STMN1: variants seen among roughly 807,000 people sequenced by gnomAD.
The protein encoded by STMN1 is stathmin 1, also known as stathmin.
Under a neutral mutation model 19.7 loss-of-function variants are expected in STMN1, and 3 were observed. The ratio of observed to expected loss-of-function variants is 0.15; its 90% CI spans 0.07 to 0.39. The LOEUF is 0.39. Among genes scored for constraint, STMN1 ranks in the 10% least tolerant of loss-of-function variants. STMN1 has a pLI of 1.00. For synonymous variants in STMN1, 59 were observed against 58.9 expected (o/e 1.00, Z -0.01); for missense variants, 99 against 176.0 (o/e 0.56, Z 2.48).
chr1:25,895,099 C>CTTTT (rs34587140), intron 4 of STMN1, among the ~76,000 whole-genome samples: 1 of 113,402 alleles, frequency 8.8e-6, no homozygotes, highest in Non-Finnish European at 1.8e-5. Flanking sequence ...TATTATACGT[C>CTTTT]TTTTTTTTTT....
intron 4 of STMN1, among the ~76,000 whole-genome samples, chr1:25,889,434 C>T (rs962405344): frequency 2.6e-5 from 4 of 151,168 alleles, no homozygotes; most frequent in African/African-American, 7.3e-5. Flanking sequence ...CTCCATCCAT[C>T]CCCCCACACC....
At chr1:25,887,715 T>A (rs751906707) in intron 4 of STMN1, 1 of 186,496 alleles carries the variant, frequency 5.4e-6, no homozygotes, top group Non-Finnish European at 1.1e-5. Flanking sequence ...TGAGATGGAG[T>A]CTCGCTCTGT....
chr1:25,903,937 G>C (rs1017731792), intron 2 of STMN1, 124 bp from the exon 3 acceptor site: 2 of 1,033,434 alleles, frequency 1.9e-6, no homozygotes, highest in Non-Finnish European at 2.7e-6. Flanking sequence ...GGAAAGTTGT[G>C]TTTTTTTTCC....
rs568796116 is a variant in STMN1, at chr1:25,886,067, T to C, written c.379-198A>G. ...GATCTTGTTGGTATGGGAAGCAACCTAGGCATCTGGATTTTTAACGAGTAG... is the reference window on the plus strand; with the variant it reads ...GATCTTGTTGGTATGGGAAGCAACCCAGGCATCTGGATTTTTAACGAGTAG... On this transcript the variant is annotated intron_variant, in intron 4 of 4. Coordinates refer to the STMN1 transcript ENST00000426559. 3.9e-5 allele frequency among the ~76,000 whole-genome samples: 6 copies of C among 152,232 alleles called. No individual in the cohort carries two copies. In the East Asian group the frequency reaches 1.2e-3, roughly 29 times the overall value.
intron 4 of STMN1, 200 bp from the exon 5 acceptor site, chr1:25,901,287 G>T: frequency 8.6e-7 from 1 of 1,158,518 alleles, no homozygotes; most frequent in Non-Finnish European, 1.2e-6. Flanking sequence ...CTAACAAGCT[G>T]CCTACTGGAC....
downstream of STMN1, among the ~76,000 whole-genome samples, chr1:25,898,828 C>T (rs112878426): frequency 8.1e-4 from 123 of 152,318 alleles, 1 homozygote; most frequent in African/African-American, 2.8e-3. Context: ...ATGCCGGGCC[C>T]GGGAATGCAT....
At chr1:25,905,657 C>A (rs1385771931) in intron 1 of STMN1, among the ~76,000 whole-genome samples, 1 of 152,124 alleles carries the variant, frequency 6.6e-6, no homozygotes, top group Non-Finnish European at 1.5e-5. Context: ...GCGGGGCTAA[C>A]GGTCCAATCC....
rs547278567 is a variant in STMN1, at chr1:25,900,930, G to A, written c.*86C>T. 1.0e-5 allele frequency: 16 copies of A among 1,603,452 alleles called. No individual in the cohort carries two copies. The East Asian group carries it at 2.7e-4, about 27-fold the overall frequency. On this transcript the variant is annotated 3_prime_UTR_variant, in exon 5 of 5. Transcript: ENST00000455785. ...ACATTAGCTTCTAAAATATTTGTCA[G>A]GAGGGAAAAAATAAAATGACACTGG...
intron 4 of STMN1, among the ~76,000 whole-genome samples, chr1:25,891,091 G>A (rs1467379373): frequency 6.6e-6 from 1 of 152,190 alleles, no homozygotes; most frequent in East Asian, 1.9e-4. Flanking sequence ...CCAGCACTTT[G>A]GGAGGCCGAG....
At chr1:25,894,123 G>A (rs1478133815) in intron 4 of STMN1, among the ~76,000 whole-genome samples, 1 of 152,234 alleles carries the variant, frequency 6.6e-6, no homozygotes, top group Non-Finnish European at 1.5e-5. Context: ...GGTAAATTAG[G>A]AAGTGGTGCC....
chr1:25,899,852 T>C (rs1184156979), downstream of STMN1, among the ~76,000 whole-genome samples: 1 of 152,124 alleles, frequency 6.6e-6, no homozygotes, highest in Non-Finnish European at 1.5e-5. Flanking sequence ...ACCGCAGTAT[T>C]AGCAATCATC....
At chr1:25,905,873 G>C (rs967864916) in intron 1 of STMN1, 1 of 152,294 alleles carries the variant, frequency 6.6e-6, no homozygotes, top group African/African-American at 2.4e-5. Flanking sequence ...CACGCTGTCC[G>C]CGCGTCCGGC....
chr1:25,901,133 A>G lies in STMN1; in HGVS notation c.379-46T>C, dbSNP rs1334102902. The stretch of plus-strand genomic sequence containing the variant: ...GTCATCAGTCAAAAAAAAAAAAAAA[A>G]AAAAAAGCCTGTCAAGTCACGACCC... On this transcript the variant is annotated intron_variant, in intron 4 of 4. Coordinates refer to ENST00000455785, the MANE Select transcript of STMN1 (RefSeq NM_005563.4). 7 of 1,578,608 alleles carry G rather than the reference A, an allele frequency of 4.4e-6. No homozygotes were observed. The East Asian group carries it at 1.6e-4, about 35-fold the overall frequency.
downstream of STMN1, among the ~76,000 whole-genome samples, chr1:25,895,419 G>T (rs181511232): frequency 6.6e-6 from 1 of 152,232 alleles, no homozygotes; most frequent in East Asian, 1.9e-4. Flanking sequence ...CTGGACTTTT[G>T]ATCTAAAAAA....
At chr1:25,893,275 G>C (rs1206233758) in intron 4 of STMN1, among the ~76,000 whole-genome samples, 1 of 152,206 alleles carries the variant, frequency 6.6e-6, no homozygotes, top group Non-Finnish European at 1.5e-5. Context: ...CTGCAGACCA[G>C]TAAAAGTTTG....
At chr1:25,897,841 G>A (rs1156782639), downstream of STMN1, among the ~76,000 whole-genome samples, 1 of 152,162 alleles carries the variant, frequency 6.6e-6, no homozygotes, top group East Asian at 1.9e-4. Flanking sequence ...GACGTTAAGT[G>A]CTCAGTAAAT....
intron 2 of STMN1, among the ~76,000 whole-genome samples, 171 bp downstream of exon 2, chr1:25,904,493 G>A (rs1306282503): frequency 6.6e-6 from 1 of 152,072 alleles, no homozygotes. Context: ...AAACAATTAC[G>A]AGCTCTCGGC....
intron 4 of STMN1, among the ~76,000 whole-genome samples, chr1:25,892,987 T>TAA (rs2048789712): frequency 6.6e-6 from 1 of 152,248 alleles, no homozygotes; most frequent in Non-Finnish European, 1.5e-5. Flanking sequence ...GCTGCTAACT[T>TAA]AATACTTCTG....
chr1:25,885,948 G>C, intron 4 of STMN1: 1 of 1,433,480 alleles, frequency 7.0e-7, no homozygotes. Context: ...CCTTCATCAG[G>C]GCTAAAACAG....
Sources: gnomAD v4.1 joint callset for allele counts (sites outside exome capture counted in the v4.1 genomes callset) on GRCh38, gnomAD v4.1.1 for gene constraint, MANE v1.5 for transcripts, NCBI Gene and HGNC (gene_info 2026-07-23, HGNC 2026-07-21) for gene names.